The following SOX6 variants were observed in gnomAD, a reference collection of about 807,000 sequenced individuals.
SOX6 encodes the protein SRY-box transcription factor 6.
SOX6 carries 11 observed loss-of-function variants against 97.8 expected under a neutral mutation model. That is an observed-to-expected ratio of 0.11 (90% CI 0.07 to 0.19). The LOEUF (loss-of-function observed/expected upper bound fraction) is 0.19. SOX6 is among the 10% of genes least tolerant of loss of function. The pLI, the probability that SOX6 is intolerant of heterozygous loss-of-function variation, is 1.00. For synonymous variants in SOX6, 360 were observed against 371.4 expected, an observed-to-expected ratio of 0.97 and a Z score of 0.35; for missense variants, 810 against 1,039.5, an observed-to-expected ratio of 0.78 and a Z score of 3.04.
At chr11:16,591,405 C>A (rs970808447) in intron 4 of SOX6, among the ~76,000 whole-genome samples, 1 of 150,316 alleles carries the variant, frequency 6.7e-6, no homozygotes, top group African/African-American at 2.4e-5. Context: ...TATATACATA[C>A]AAACATAGAA....
intron 2 of SOX6, among the ~76,000 whole-genome samples, chr11:16,337,267 A>G (rs1233251403): frequency 1.3e-5 from 2 of 152,150 alleles, no homozygotes; most frequent in Non-Finnish European, 2.9e-5. Flanking sequence ...TGTTTGATAC[A>G]AGTAGCTATA....
chr11:16,279,845 A>G (rs1854502012), intron 3 of SOX6, among the ~76,000 whole-genome samples: 1 of 152,134 alleles, frequency 6.6e-6, no homozygotes, highest in Non-Finnish European at 1.5e-5. Context: ...TTTATGCATT[A>G]TAGCTTGATT....
chr11:16,684,775 GA>G (rs987660696), intron 3 of SOX6, among the ~76,000 whole-genome samples: 19 of 149,862 alleles, frequency 1.3e-4, no homozygotes, highest in African/African-American at 2.9e-4. Flanking sequence ...TTTCTCTTTG[GA>G]AAAAAAAAGA....
intron 4 of SOX6, among the ~76,000 whole-genome samples, chr11:16,535,564 C>T (rs1400893861): frequency 6.6e-6 from 1 of 152,026 alleles, no homozygotes; most frequent in Non-Finnish European, 1.5e-5. Context: ...CCCAGCTACT[C>T]AAGAGGCTAA....
At chr11:16,073,701 C>T (rs1193324667) in intron 9 of SOX6, among the ~76,000 whole-genome samples, 1 of 152,060 alleles carries the variant, frequency 6.6e-6, no homozygotes, top group African/African-American at 2.4e-5. Context: ...ATAAATAATC[C>T]TCAACAAGTT....
At chr11:16,141,272 G>C (rs1702152439) in intron 6 of SOX6, among the ~76,000 whole-genome samples, 1 of 152,158 alleles carries the variant, frequency 6.6e-6, no homozygotes, top group African/African-American at 2.4e-5. Flanking sequence ...AAGAATGGAA[G>C]TGAAATGAGA....
Position 16,183,973 on chromosome 11 carries a change from C to T in SOX6, c.709-19G>A. On this transcript the variant is annotated intron_variant, in intron 5 of 15. Transcript: ENST00000683767. ...TCGCAATCTATCAGAAATAAAGTTT[C>T]ATTAAGTTAAAATGAAATGCTTACA... The T allele has an allele frequency of 6.2e-7, 1 of 1,609,866 alleles. No individual in the cohort carries two copies. The highest frequency in any genetic ancestry group is 8.5e-7 in the Non-Finnish European group (1 of 1,176,908).
intron 3 of SOX6, among the ~76,000 whole-genome samples, chr11:16,669,699 C>T (rs142606905): frequency 5.9e-5 from 9 of 152,260 alleles, no homozygotes; most frequent in East Asian, 3.9e-4. Flanking sequence ...AAATCAGGGG[C>T]TCATCCCAAC....
chr11:16,332,155 C>A (rs1436005377), intron 2 of SOX6, among the ~76,000 whole-genome samples: 1 of 151,976 alleles, frequency 6.6e-6, no homozygotes, highest in Non-Finnish European at 1.5e-5. Context: ...TAGAAGCATA[C>A]CAGGTATGAA....
intron 4 of SOX6, among the ~76,000 whole-genome samples, chr11:16,498,517 T>C (rs1008181141): frequency 3.3e-5 from 5 of 151,806 alleles, no homozygotes; most frequent in Admixed American, 2.6e-4. Flanking sequence ...GACTGGCAAA[T>C]TGGATAAAGA....
At chr11:16,368,757 T>C (rs1857426431) in intron 1 of SOX6, among the ~76,000 whole-genome samples, 1 of 152,032 alleles carries the variant, frequency 6.6e-6, no homozygotes, top group Non-Finnish European at 1.5e-5. Flanking sequence ...AAAACTTTTG[T>C]GCATCAAAGT....
chr11:16,158,976 T>C (rs957396857), intron 6 of SOX6, among the ~76,000 whole-genome samples: 2 of 151,916 alleles, frequency 1.3e-5, no homozygotes, highest in Non-Finnish European at 2.9e-5. Context: ...GCCAAATAGA[T>C]AGCAGAGCCA....
At chr11:16,468,749 T>A (rs939458716) in intron 1 of SOX6, among the ~76,000 whole-genome samples, 2 of 152,144 alleles carry the variant, frequency 1.3e-5, no homozygotes, top group Non-Finnish European at 2.9e-5. Flanking sequence ...AAGATCAAAT[T>A]TAGACATGTT....
chr11:16,195,229 A>T (rs939535565), intron 4 of SOX6, among the ~76,000 whole-genome samples: 4 of 152,224 alleles, frequency 2.6e-5, no homozygotes, highest in African/African-American at 9.6e-5. Flanking sequence ...CATTTCACAG[A>T]TGAAAAACTA....
chr11:16,690,299 T>C (rs1848003097), intron 3 of SOX6, among the ~76,000 whole-genome samples: 2 of 152,254 alleles, frequency 1.3e-5, no homozygotes, highest in African/African-American at 4.8e-5. Flanking sequence ...CTGTGGCTTA[T>C]GACATAAACT....
Position 15,986,196 on chromosome 11 carries a change from A to G in SOX6, c.2183+8T>C, listed in dbSNP as rs750218386. 1.9e-6 allele frequency: 3 copies of G among 1,613,682 alleles called. No homozygotes were observed. The African/African-American group carries it at 4.0e-5, about 22-fold the overall frequency. On this transcript the variant is annotated splice_region_variant and intron_variant, in intron 15 of 15. Coordinates refer to ENST00000683767, the MANE Select transcript of SOX6 (RefSeq NM_001367873.1). ...AAAGCCCAGGTGGCTAAATTCAGGA[A>G]TACTTACCCCACAGTAAAGAACTGC...
chr11:16,184,238 C>T (rs146636765), intron 5 of SOX6, among the ~76,000 whole-genome samples: 3 of 152,138 alleles, frequency 2.0e-5, no homozygotes, highest in Admixed American at 6.5e-5. Flanking sequence ...TTTTAGAAAT[C>T]GAATCCTTGT....
intron 3 of SOX6, among the ~76,000 whole-genome samples, chr11:16,287,298 T>TCTCTCACACACACA (rs1554953497): frequency 8.9e-5 from 11 of 123,522 alleles, no homozygotes; most frequent in African/African-American, 3.2e-4. Context: ...TCTCTCTCTC[T>TCTCTCACACACACA]CACACACACA....
At chr11:16,430,336 C>T (rs556072535) in intron 1 of SOX6, among the ~76,000 whole-genome samples, 1 of 152,240 alleles carries the variant, frequency 6.6e-6, no homozygotes, top group Admixed American at 6.5e-5. Flanking sequence ...TTTGGTTGTT[C>T]ATTCATTCAT....
Sources: gnomAD v4.1 joint callset for allele counts (sites outside exome capture counted in the v4.1 genomes callset) on GRCh38, gnomAD v4.1.1 for gene constraint, MANE v1.5 for transcripts, NCBI Gene and HGNC (gene_info 2026-07-23, HGNC 2026-07-21) for gene names.